The following ARMH1 variants were observed in gnomAD, a reference collection of about 807,000 sequenced individuals.
ARMH1 encodes the protein armadillo-like helical domain containing protein 1.
In ARMH1, 34 loss-of-function variants were observed where a neutral mutation model predicts 50.2. The observed-to-expected ratio is 0.68, with a 90% CI of 0.51 to 0.90. The LOEUF (loss-of-function observed/expected upper bound fraction) is 0.90, where lower values mean the gene tolerates loss of function less well. ARMH1 is among the 40% of genes least tolerant of loss of function. The pLI, the probability that ARMH1 is intolerant of heterozygous loss-of-function variation, is 0.00. For synonymous variants in ARMH1, 221 were observed against 224.2 expected (o/e 0.99, Z 0.13); for missense variants, 538 against 553.9 (o/e 0.97, Z 0.29).
intron 6 of ARMH1, among the ~76,000 whole-genome samples, chr1:44,719,455 C>T (rs1646994448): frequency 6.6e-6 from 1 of 152,196 alleles, no homozygotes; most frequent in African/African-American, 2.4e-5. Context: ...CACTCTGAGC[C>T]CTGGAGTGGA....
At position 44,697,163 on chromosome 1, in the gene ARMH1, G is replaced by A; in HGVS notation, c.268G>A (p.Val90Ile). ...GTCCATTGGCATCTTCTTATCAGCTGTAAGCAGGTGAGTTCTGTTCTAGCG... is the reference window on the plus strand; with the variant it reads ...GTCCATTGGCATCTTCTTATCAGCTATAAGCAGGTGAGTTCTGTTCTAGCG... ...LRSIGIFLSA[V>I]SSNRYLIEFL... Residue 90 changes from valine (V) to isoleucine (I), a missense_variant, in exon 3 of 12, where the codon GTA becomes ATA. Coordinates refer to ENST00000535358, the MANE Select transcript of ARMH1 (RefSeq NM_001145636.2). The A allele has an allele frequency of 6.4e-7, 1 of 1,551,592 alleles. No individual in the cohort carries two copies. The highest frequency in any genetic ancestry group is 8.7e-7 in the Non-Finnish European group (1 of 1,146,466).
At chr1:44,720,067 G>T (rs150230084) in intron 6 of ARMH1, among the ~76,000 whole-genome samples, 1 of 152,146 alleles carries the variant, frequency 6.6e-6, no homozygotes, top group East Asian at 1.9e-4. Flanking sequence ...TGTGGTGGCG[G>T]GCGCCTATAA....
chr1:44,696,280 C>G (rs1321461087), intron 2 of ARMH1, among the ~76,000 whole-genome samples: 3 of 152,170 alleles, frequency 2.0e-5, no homozygotes, highest in African/African-American at 7.2e-5. Context: ...CTTCACACAC[C>G]CCCCGCCCAA....
chr1:44,710,473 G>T (rs1244255889), intron 6 of ARMH1, among the ~76,000 whole-genome samples: 2 of 151,930 alleles, frequency 1.3e-5, no homozygotes, highest in East Asian at 3.9e-4. Context: ...GCCGGGCGTG[G>T]TGGTGGGCGC....
At chr1:44,714,445 C>T (rs1349677875) in intron 6 of ARMH1, among the ~76,000 whole-genome samples, 1 of 151,778 alleles carries the variant, frequency 6.6e-6, no homozygotes, top group African/African-American at 2.4e-5. Flanking sequence ...ATTAGCCGGG[C>T]GTGGTGGTGC....
intron 4 of ARMH1, among the ~76,000 whole-genome samples, chr1:44,698,883 C>T (rs1645924959): frequency 6.6e-6 from 1 of 151,760 alleles, no homozygotes; most frequent in South Asian, 2.1e-4. Flanking sequence ...CGCAGTGGTT[C>T]ACACCTGTAA....
At position 44,681,128 on chromosome 1, in the gene ARMH1, G is replaced by A. The variant is rs1645299007; in HGVS notation, c.-23+6255G>A. 6.6e-6 allele frequency among the ~76,000 whole-genome samples: 1 copy of A among 151,592 alleles called. No individual in the cohort carries two copies. Among genetic ancestry groups the A allele is most frequent in the Admixed American group, 6.6e-5 (1 of 15,224 alleles). On this transcript the variant is annotated intron_variant, in intron 1 of 11. Transcript: ENST00000535358. The surrounding 1 kb of genome is among the most constrained non-coding windows in gnomAD (Gnocchi z 4.3). Reference sequence around the variant, plus strand: ...TCCTGCCTCAGCCTCCCGAGTAGCTGGGACTGCAGGCGTCCACCACCATGC... The same window carrying A: ...TCCTGCCTCAGCCTCCCGAGTAGCTAGGACTGCAGGCGTCCACCACCATGC...
intron 6 of ARMH1, chr1:44,721,851 A>G (rs931974019): frequency 4.6e-5 from 7 of 152,300 alleles, no homozygotes; most frequent in Admixed American, 2.0e-4. Context: ...CTCCACGGAA[A>G]TCTTTAGTAA....
intron 2 of ARMH1, among the ~76,000 whole-genome samples, chr1:44,693,901 C>T (rs980177500): frequency 6.6e-5 from 10 of 152,152 alleles, no homozygotes; most frequent in African/African-American, 2.4e-4. Flanking sequence ...CTTGCTTGAC[C>T]ACTGCCCCCT....
At chr1:44,703,480 T>TG (rs1247379520) in intron 5 of ARMH1, among the ~76,000 whole-genome samples, 1 of 150,666 alleles carries the variant, frequency 6.6e-6, no homozygotes. Context: ...CCCAGCACTT[T>TG]GGGAGGCTGA....
At chr1:44,703,149 G>A (rs1332518268) in intron 5 of ARMH1, among the ~76,000 whole-genome samples, 1 of 152,186 alleles carries the variant, frequency 6.6e-6, no homozygotes, top group African/African-American at 2.4e-5. Context: ...GGGGCTGTCT[G>A]ATGGGATGAG....
intron 5 of ARMH1, among the ~76,000 whole-genome samples, chr1:44,701,381 A>G (rs1340475203): frequency 1.3e-5 from 2 of 152,214 alleles, no homozygotes; most frequent in Admixed American, 6.5e-5. Flanking sequence ...AACAAGGATG[A>G]TGAAAGGGCT....
At chr1:44,700,346 C>A (rs532366132) in intron 4 of ARMH1, among the ~76,000 whole-genome samples, 6 of 152,228 alleles carry the variant, frequency 3.9e-5, no homozygotes, top group Admixed American at 2.0e-4. Flanking sequence ...GGCCGGGCGC[C>A]GTGGCTCACG....
intron 5 of ARMH1, 53 bp from the exon 6 acceptor site, chr1:44,704,036 C>CT (rs1646222659): frequency 1.4e-6 from 2 of 1,423,482 alleles, no homozygotes; most frequent in Admixed American, 4.1e-5. Flanking sequence ...GGGAATCCAT[C>CT]TTTAAAAAAA....
chr1:44,694,509 C>CTTT (rs10531731), intron 2 of ARMH1, among the ~76,000 whole-genome samples: 2 of 113,678 alleles, frequency 1.8e-5, no homozygotes, highest in Non-Finnish European at 3.5e-5. Flanking sequence ...TTCTTTTTTT[C>CTTT]TTTTTTTTTT....
At chr1:44,691,748 C>A (rs1339459649) in intron 2 of ARMH1, among the ~76,000 whole-genome samples, 1 of 152,150 alleles carries the variant, frequency 6.6e-6, no homozygotes, top group Non-Finnish European at 1.5e-5. Flanking sequence ...CTATTCCATA[C>A]CCATATATCC....
At position 44,724,577 on chromosome 1, in the gene ARMH1, T is replaced by G; in HGVS notation, c.959T>G (p.Leu320Arg). 3 of 1,517,292 alleles carry G rather than the reference T, an allele frequency of 2.0e-6. No individual in the cohort carries two copies. The highest frequency in any genetic ancestry group is 2.6e-6 in the Non-Finnish European group (3 of 1,135,176). The allele number at this position is 1,517,292 out of a possible 1,614,324, so 94.0% of individuals were successfully genotyped here. ...AACGACATGAGCATCGCCGAGGAGC[T>G]GCTGTACCTGCGCGTGGTGCGTGGC... The part of the protein sequence containing the change: ...ARNDMSIAEE[L>R]LYLRVVRGLM... The change falls in exon 9 of 12, where the codon CTG becomes CGG. Residue 320 changes from leucine to arginine, a missense_variant. Physicochemically the swap from Leu to Arg is moderately radical, Grantham distance 102. Coordinates refer to ENST00000535358, the MANE Select transcript of ARMH1 (RefSeq NM_001145636.2). The surrounding 1 kb of genome is among the most constrained non-coding windows in gnomAD (Gnocchi z 6.4).
In ARMH1 at chr1:44,725,398, G is replaced by T. The variant is rs746989863; in HGVS notation, c.1318G>T (p.Glu440Ter). 2.6e-6 allele frequency: 4 copies of T among 1,551,696 alleles called. No homozygotes were observed. The South Asian group carries it at 4.8e-5, about 18-fold the overall frequency. Residue 440 changes from glutamate (E) to a stop codon, truncating the protein, a stop_gained, in exon 12 of 12, where the codon GAG (glutamate) becomes TAG (stop). Transcript: ENST00000535358. LOFTEE classifies it high-confidence loss of function. ...CTTCGAGGAGGATGTAGAATCAAAG[G>T]AGTAACAGCCCCTGTGGCAAACCAG... ...THFEEDVESK[E>*]
chr1:44,707,451 G>T (rs537202728), intron 6 of ARMH1, among the ~76,000 whole-genome samples: 77 of 152,188 alleles, frequency 5.1e-4, no homozygotes, highest in African/African-American at 1.8e-3. Context: ...CTTTTTTGAG[G>T]CAGGGTTTCA....
Sources: allele counts gnomAD v4.1 joint callset (sites outside exome capture counted in the v4.1 genomes callset), GRCh38; gene constraint gnomAD v4.1.1; non-coding constraint Gnocchi (gnomAD v3.1); transcripts MANE v1.5; gene names NCBI Gene and HGNC (gene_info 2026-07-23, HGNC 2026-07-21).